Variants in STAT1 observed in about 807,000 individuals in gnomAD.
STAT1 encodes the protein signal transducer and activator of transcription 1.
STAT1 carries 24 observed loss-of-function variants against 111.7 expected under a neutral mutation model. The observed-to-expected ratio is 0.21, with a 90% CI of 0.16 to 0.30. The LOEUF is 0.30. Among genes scored for constraint, STAT1 ranks in the 10% least tolerant of loss-of-function variants. The pLI, the probability that STAT1 is intolerant of heterozygous loss-of-function variation, is 1.00. For missense variants in STAT1, 351 were observed against 911.9 expected, an observed-to-expected ratio of 0.38 and a Z score of 7.92; for synonymous variants, 332 against 326.5, an observed-to-expected ratio of 1.02 and a Z score of -0.18.
chr2:191,011,222 C>G (rs1695091220), intron 2 of STAT1, among the ~76,000 whole-genome samples: 1 of 152,198 alleles, frequency 6.6e-6, no homozygotes, highest in Non-Finnish European at 1.5e-5. Context: ...CCTTGGCACT[C>G]CTGCTGAAGC....
In STAT1 at chr2:190,989,010, A is replaced by G. The variant is rs1490204463; in HGVS notation, c.1097+605T>C. Among the ~76,000 whole-genome samples, 1 of 151,670 alleles carries G rather than the reference A, an allele frequency of 6.6e-6. No homozygotes were observed. Among genetic ancestry groups the G allele is most frequent in the African/African-American group, 2.4e-5 (1 of 41,272 alleles). ...AATAGGATGAGGCTGCTCCACCTGG[A>G]CCCCCAAGAGAGATGCCCATTCCTG... On this transcript the variant is annotated intron_variant, in intron 12 of 24. Coordinates refer to ENST00000361099, the MANE Select transcript of STAT1 (RefSeq NM_007315.4). The surrounding 1 kb of genome is among the most constrained non-coding windows in gnomAD (Gnocchi z 5.0).
At position 190,986,951 on chromosome 2, in the gene STAT1, T is replaced by C. The variant is rs780924237; in HGVS notation, c.1128-4A>G. The C allele has an allele frequency of 3.7e-6, 6 of 1,613,134 alleles. No individual in the cohort carries two copies. Among genetic ancestry groups the C allele is most frequent in the East Asian group, 2.2e-5 (1 of 44,880 alleles). On this transcript the variant is annotated splice_polypyrimidine_tract_variant and splice_region_variant and intron_variant, in intron 13 of 24. Coordinates refer to ENST00000361099, the MANE Select transcript of STAT1 (RefSeq NM_007315.4). This position sits in a 1 kb window ranked among gnomAD's most constrained non-coding sequence, Gnocchi z 5.0. ...CAAAATGTTGAACTTCCTAAATCTA[T>C]ACAATATAGGAAAGAAATGCTGAAA...
At position 190,978,641 on chromosome 2, in the gene STAT1, A is replaced by C; in HGVS notation, c.1873+215T>G. On this transcript the variant is annotated intron_variant, in intron 21 of 24. Transcript: ENST00000361099. This position sits in a 1 kb window ranked among gnomAD's most constrained non-coding sequence, Gnocchi z 6.1. Reference sequence around the variant, plus strand: ...AGGAAAGAATTGGCATTGTCTTTTCAAAACCATCATTTCCACAATATGTTC... The same window carrying C: ...AGGAAAGAATTGGCATTGTCTTTTCCAAACCATCATTTCCACAATATGTTC... The C allele has an allele frequency of 7.7e-6, 5 of 653,406 alleles. No individual in the cohort carries two copies. The highest frequency in any genetic ancestry group is 2.5e-5 in the Admixed American group (1 of 40,220). 40.5% of individuals were successfully genotyped at this position (653,406 alleles called of 1,614,324 possible). A position where few individuals can be genotyped will look rare whatever the true frequency, so the allele number is the denominator to read the frequency against.
chr2:190,998,419 C>A lies in STAT1; in HGVS notation c.542-111G>T, dbSNP rs181620969. 7.4e-5 allele frequency: 66 copies of A among 887,582 alleles called. 1 individual carries two copies. The highest frequency in any genetic ancestry group is 6.6e-4 in the East Asian group (27 of 40,744). 55.0% of individuals were successfully genotyped at this position (887,582 alleles called of 1,614,324 possible). A position where few individuals can be genotyped will look rare whatever the true frequency, so the allele number is the denominator to read the frequency against. ...ACACAAATGCTGCCTAGTGACAGGT[C>A]AAAGTTTGGCTTTCTTCGATCTTTA... On this transcript the variant is annotated intron_variant, in intron 7 of 24. Transcript: ENST00000361099. The surrounding 1 kb of genome is among the most constrained non-coding windows in gnomAD (Gnocchi z 4.1).
At chr2:190,992,989 C>G (rs1693503499) in intron 10 of STAT1, 2 of 254,662 alleles carry the variant, frequency 7.9e-6, no homozygotes, top group South Asian at 9.4e-5. Flanking sequence ...GGGGTTTCAT[C>G]ATGTTGGCCA....
chr2:190,977,171 T>G lies in STAT1; in HGVS notation c.1874-146A>C, dbSNP rs1691971741. On this transcript the variant is annotated intron_variant, in intron 21 of 24. Coordinates refer to ENST00000361099, the MANE Select transcript of STAT1 (RefSeq NM_007315.4). This position sits in a 1 kb window ranked among gnomAD's most constrained non-coding sequence, Gnocchi z 4.7. ...AAGCATTATAACATATACAGTAGAC[T>G]GCTTTATTTCTAAATAAATTATAAT... is the stretch of plus-strand genomic sequence containing the variant. The G allele has an allele frequency of 6.7e-6, 5 of 743,006 alleles. No homozygotes were observed. In the South Asian group the frequency reaches 7.9e-5, roughly 12 times the overall value. The allele number at this position is 743,006 out of a possible 1,614,324, so 46.0% of individuals were successfully genotyped here. A position where few individuals can be genotyped will look rare whatever the true frequency, so the allele number is the denominator to read the frequency against.
chr2:190,985,431 G>A (rs941774848), intron 15 of STAT1, among the ~76,000 whole-genome samples, 188 bp downstream of exon 15: 3 of 152,214 alleles, frequency 2.0e-5, no homozygotes, highest in Admixed American at 6.5e-5. Context: ...AAAATCGTTT[G>A]ACAATAGTAA....
chr2:190,999,639 G>C lies in STAT1; in HGVS notation c.528C>G (p.Thr176=). The C allele has an allele frequency of 3.1e-6, 5 of 1,613,536 alleles. No individual in the cohort carries two copies. The highest frequency in any genetic ancestry group is 4.2e-6 in the Non-Finnish European group (5 of 1,179,540). Residue 176 remains threonine (T), a synonymous_variant, in exon 7 of 25, where the codon ACC becomes ACG. Coordinates refer to ENST00000361099, the MANE Select transcript of STAT1 (RefSeq NM_007315.4). The surrounding 1 kb of genome is among the most constrained non-coding windows in gnomAD (Gnocchi z 4.1). ...LQDEYDFKCK[T]LQNREHETNG... ...GTGAACCCTTACCTCTGTTCTGCAA[G>C]GTTTTGCATTTGAAGTCATATTCAT... is the stretch of plus-strand genomic sequence containing the variant.
intron 4 of STAT1, chr2:191,008,158 C>T (rs1283257157): frequency 3.4e-6 from 1 of 291,320 alleles, no homozygotes; most frequent in Non-Finnish European, 6.9e-6. Flanking sequence ...TACATTCATG[C>T]AAGGTCTGTA....
rs533055010 is a variant in STAT1 at position 190,989,438 on chromosome 2, C to T, written c.1097+177G>A. On this transcript the variant is annotated intron_variant, in intron 12 of 24. Coordinates refer to ENST00000361099, the MANE Select transcript of STAT1 (RefSeq NM_007315.4). This position sits in a 1 kb window ranked among gnomAD's most constrained non-coding sequence, Gnocchi z 5.0. ...ATCTGACTAGAAGTCTCTGCTCATG[C>T]GCAGCATTGTCAGGACTCTGGGTTC... 1.2e-4 allele frequency among the ~76,000 whole-genome samples: 18 copies of T among 152,308 alleles called. No homozygotes were observed. Among genetic ancestry groups the T allele is most frequent in the African/African-American group, 4.3e-4 (18 of 41,576 alleles).
chr2:190,975,348 G>GT lies in STAT1; in HGVS notation c.2136-417dup. 2.1e-6 allele frequency: 1 copy of GT among 485,300 alleles called. No individual in the cohort carries two copies. The highest frequency in any genetic ancestry group is 4.2e-6 in the Non-Finnish European group (1 of 238,378). 30.1% of individuals were successfully genotyped at this position (485,300 alleles called of 1,614,324 possible). ...TGCAGATAAAGCTGCTCCACACAGT[G>GT]TTTTTACATGAAGGCTACATCCATT... On this transcript the variant is annotated intron_variant, in intron 23 of 24. Coordinates refer to ENST00000361099, the MANE Select transcript of STAT1 (RefSeq NM_007315.4). This position sits in a 1 kb window ranked among gnomAD's most constrained non-coding sequence, Gnocchi z 5.9.
At chr2:191,011,825 C>T (rs1259610014) in intron 2 of STAT1, among the ~76,000 whole-genome samples, 2 of 152,130 alleles carry the variant, frequency 1.3e-5, no homozygotes, top group African/African-American at 4.8e-5. Context: ...AATTAAACCT[C>T]TTCACTTTAT....
In STAT1 at chr2:190,999,594, C is replaced by T. The variant is rs757942742; in HGVS notation, c.541+32G>A. ...TAGTGTGAACAGAAAAAATTGCAGC[C>T]AACGGGCACCACTTCAGTTGTGAAC... On this transcript the variant is annotated intron_variant, in intron 7 of 24. Transcript: ENST00000361099. The surrounding 1 kb of genome is among the most constrained non-coding windows in gnomAD (Gnocchi z 4.1). 20 of 1,535,624 alleles carry T rather than the reference C, an allele frequency of 1.3e-5. No homozygotes were observed. The highest frequency in any genetic ancestry group is 1.7e-5 in the Non-Finnish European group (19 of 1,108,814).
chr2:190,985,433 C>T (rs1692727952), intron 15 of STAT1, among the ~76,000 whole-genome samples, 186 bp downstream of exon 15: 1 of 152,218 alleles, frequency 6.6e-6, no homozygotes, highest in Non-Finnish European at 1.5e-5. Flanking sequence ...AATCGTTTGA[C>T]AATAGTAAAG....
Position 190,982,349 on chromosome 2 carries a change from T to C in STAT1, c.1582+34A>G. 1.9e-6 allele frequency: 3 copies of C among 1,612,774 alleles called. No homozygotes were observed. The highest frequency in any genetic ancestry group is 1.7e-6 in the Non-Finnish European group (2 of 1,178,998). ...AGAGAGATATTTTTATGAATTTCAA[T>C]TTTTATAAACATAACAAGTTAATAT... is the stretch of plus-strand genomic sequence containing the variant. On this transcript the variant is annotated intron_variant, in intron 18 of 24. Coordinates refer to ENST00000361099, the MANE Select transcript of STAT1 (RefSeq NM_007315.4). The surrounding 1 kb of genome is among the most constrained non-coding windows in gnomAD (Gnocchi z 7.3).
chr2:191,002,043 C>G (rs1416099892), intron 5 of STAT1, among the ~76,000 whole-genome samples: 1 of 152,180 alleles, frequency 6.6e-6, no homozygotes, highest in Non-Finnish European at 1.5e-5. Context: ...ATTGTATCAT[C>G]TTTTCTTCAT....
At chr2:191,008,868 A>G in intron 4 of STAT1, 95 bp downstream of exon 4, 1 of 1,351,738 alleles carries the variant, frequency 7.4e-7, no homozygotes, top group Non-Finnish European at 1.0e-6. Flanking sequence ...TCTAAATACC[A>G]ATAAGTGTGT....
rs1458573703 is a variant in STAT1 at position 190,989,262 on chromosome 2, T to C, written c.1097+353A>G. Among the ~76,000 whole-genome samples, 2 of 152,202 alleles carry C rather than the reference T, an allele frequency of 1.3e-5. No individual in the cohort carries two copies. Among genetic ancestry groups the C allele is most frequent in the African/African-American group, 4.8e-5 (2 of 41,450 alleles). On this transcript the variant is annotated intron_variant, in intron 12 of 24. Transcript: ENST00000361099. This position sits in a 1 kb window ranked among gnomAD's most constrained non-coding sequence, Gnocchi z 5.0. ...ACTTTGAGACTTGCTGATTACAATC[T>C]CATATGCACAAAGAGACACTCACTC...
rs1553496759 is a variant in STAT1 at position 190,994,927 on chromosome 2, A to AT, written c.944+133_944+134insA. ...GAGACTCTATCTCAAAAAAAAAAAA[A>AT]ATATATATATATATATATATATATA... On this transcript the variant is annotated intron_variant, in intron 10 of 24. Coordinates refer to ENST00000361099, the MANE Select transcript of STAT1 (RefSeq NM_007315.4). 197 of 135,064 alleles carry AT rather than the reference A, an allele frequency of 1.5e-3. 1 individual carries two copies. The highest frequency in any genetic ancestry group is 3.5e-3 in the East Asian group (15 of 4,280). 8.4% of individuals were successfully genotyped at this position (135,064 alleles called of 1,614,324 possible). A position where few individuals can be genotyped will look rare whatever the true frequency, so the allele number is the denominator to read the frequency against.
Sources: allele counts gnomAD v4.1 joint callset (sites outside exome capture counted in the v4.1 genomes callset), GRCh38; gene constraint gnomAD v4.1.1; non-coding constraint Gnocchi (gnomAD v3.1); transcripts MANE v1.5; gene names NCBI Gene and HGNC (gene_info 2026-07-23, HGNC 2026-07-21).